MGAT4C: variants seen among roughly 807,000 people sequenced by gnomAD.
The protein encoded by MGAT4C is MGAT4 family member C, also known as alpha-1,3-mannosyl-glycoprotein 4-beta-N-acetylglucosaminyltransferase C.
A neutral mutation model predicts 40.1 loss-of-function variants in MGAT4C; 19 were observed. The ratio of observed to expected loss-of-function variants is 0.47; its 90% CI spans 0.33 to 0.70. The LOEUF is 0.70. Among genes scored for constraint, MGAT4C ranks in the 30% least tolerant of loss-of-function variants. The probability of loss-of-function intolerance (pLI) is 0.02; values close to 1 mark genes in which losing one functional copy is unlikely to be tolerated. For missense variants in MGAT4C, 491 were observed against 563.2 expected (o/e 0.87, Z 1.30); for synonymous variants, 181 against 187.1 (o/e 0.97, Z 0.27).
chr12:86,420,223 T>G (rs1956793801), intron 3 of MGAT4C, among the ~76,000 whole-genome samples: 1 of 151,810 alleles, frequency 6.6e-6, no homozygotes, highest in Admixed American at 6.6e-5. Flanking sequence ...CTAAGAACGA[T>G]TTTTAAAAAT....
At chr12:86,233,761 G>T (rs1362420060) in intron 1 of MGAT4C, among the ~76,000 whole-genome samples, 1 of 151,838 alleles carries the variant, frequency 6.6e-6, no homozygotes, top group African/African-American at 2.4e-5. Flanking sequence ...ACTATTTTTT[G>T]AGCTGAATTA....
intron 1 of MGAT4C, among the ~76,000 whole-genome samples, chr12:86,177,358 T>G (rs75553485): frequency 6.6e-6 from 1 of 152,308 alleles, no homozygotes; most frequent in Non-Finnish European, 1.5e-5. Context: ...TTCACTATCT[T>G]TAACCATAAG....
chr12:86,018,458 T>A (rs768343896), intron 2 of MGAT4C, among the ~76,000 whole-genome samples: 1 of 152,180 alleles, frequency 6.6e-6, no homozygotes, highest in African/African-American at 2.4e-5. Context: ...CTTGCTTTTT[T>A]AAATGCTTGT....
intron 2 of MGAT4C, among the ~76,000 whole-genome samples, chr12:86,497,918 G>GTATATATATATA (rs1565804882): frequency 1.4e-5 from 2 of 139,140 alleles, no homozygotes; most frequent in East Asian, 2.1e-4. Context: ...ATATATATAC[G>GTATATATATATA]CACACACACA....
intron 1 of MGAT4C, among the ~76,000 whole-genome samples, chr12:86,762,716 C>T (rs545515579): frequency 6.6e-6 from 1 of 152,186 alleles, no homozygotes; most frequent in Admixed American, 6.5e-5. Flanking sequence ...CATTTCAAAA[C>T]ATTTTGTCCT....
intron 2 of MGAT4C, among the ~76,000 whole-genome samples, chr12:86,606,056 G>T (rs573996789): frequency 1.8e-4 from 28 of 152,200 alleles, no homozygotes; most frequent in Middle Eastern, 3.4e-3. Flanking sequence ...AAGGAGAAGT[G>T]CTAAGTGAAG....
intron 2 of MGAT4C, among the ~76,000 whole-genome samples, chr12:86,593,887 T>C (rs944224559): frequency 1.1e-4 from 16 of 152,106 alleles, no homozygotes; most frequent in Admixed American, 7.2e-4. Flanking sequence ...CTCTGAACCA[T>C]ACCTCTGGTG....
At chr12:86,831,701 C>A (rs149059151) in intron 1 of MGAT4C, among the ~76,000 whole-genome samples, 1 of 151,734 alleles carries the variant, frequency 6.6e-6, no homozygotes, top group Non-Finnish European at 1.5e-5. Flanking sequence ...CAGGAGTCTA[C>A]TAAAGACTAA....
At chr12:86,052,411 A>G (rs1040249678) in intron 1 of MGAT4C, among the ~76,000 whole-genome samples, 3 of 151,988 alleles carry the variant, frequency 2.0e-5, no homozygotes, top group Non-Finnish European at 4.4e-5. Context: ...ATATATTTTG[A>G]ATACACATTC....
intron 1 of MGAT4C, among the ~76,000 whole-genome samples, chr12:86,120,404 C>T (rs529896501): frequency 4.9e-4 from 74 of 152,154 alleles, no homozygotes; most frequent in African/African-American, 1.5e-3. Flanking sequence ...GTTCTCCCAG[C>T]ACGCAGCTTG....
chr12:86,751,996 A>G (rs906274727), intron 1 of MGAT4C, among the ~76,000 whole-genome samples: 12 of 152,004 alleles, frequency 7.9e-5, no homozygotes, highest in African/African-American at 2.9e-4. Context: ...TGCTATTTAT[A>G]TTATTTTCAT....
At chr12:86,690,011 C>T (rs954857898) in intron 2 of MGAT4C, among the ~76,000 whole-genome samples, 4 of 152,170 alleles carry the variant, frequency 2.6e-5, no homozygotes, top group Non-Finnish European at 4.4e-5. Context: ...AGATGCCATG[C>T]CCAGAGAAGA....
chr12:86,684,216 T>G (rs1021704460), intron 2 of MGAT4C, among the ~76,000 whole-genome samples: 2 of 152,164 alleles, frequency 1.3e-5, no homozygotes, highest in African/African-American at 4.8e-5. Context: ...TGATGTGTGA[T>G]GTTCCCCTCC....
chr12:86,114,120 A>G (rs1244837635), intron 1 of MGAT4C, among the ~76,000 whole-genome samples: 1 of 151,836 alleles, frequency 6.6e-6, no homozygotes, highest in Non-Finnish European at 1.5e-5. Flanking sequence ...GCCTAATCAC[A>G]CATCTACTCT....
chr12:86,304,681 C>A (rs1333189906), intron 4 of MGAT4C, among the ~76,000 whole-genome samples: 1 of 150,548 alleles, frequency 6.6e-6, no homozygotes, highest in Admixed American at 6.6e-5. Context: ...AAAATAAGTT[C>A]TTTGTAGATT....
At chr12:86,697,147 T>G (rs570457675) in intron 2 of MGAT4C, among the ~76,000 whole-genome samples, 1 of 152,172 alleles carries the variant, frequency 6.6e-6, no homozygotes. Context: ...ACATAGGTGA[T>G]TGGTAATCCA....
In MGAT4C at chr12:86,829,192, T is replaced by C. The variant is rs1400003902; in HGVS notation, c.-262+9474A>G. 2.0e-5 allele frequency among the ~76,000 whole-genome samples: 3 copies of C among 151,570 alleles called. No homozygotes were observed. In the Admixed American group the frequency reaches 2.0e-4, roughly 10 times the overall value. ...ATACACAATAGTAGATTTAAAATAA[T>C]ATGAGAAATTGTTTTATACTGGCTG... On this transcript the variant is annotated intron_variant, in intron 1 of 7. Coordinates refer to the MGAT4C transcript ENST00000548651.
chr12:86,402,994 CA>C (rs1956398997), intron 3 of MGAT4C, among the ~76,000 whole-genome samples: 1 of 152,134 alleles, frequency 6.6e-6, no homozygotes, highest in Non-Finnish European at 1.5e-5. Context: ...TATTAACTAA[CA>C]TGTTTTATGA....
chr12:86,636,033 A>T (rs1005391287), intron 2 of MGAT4C, among the ~76,000 whole-genome samples: 57 of 152,090 alleles, frequency 3.7e-4, no homozygotes, highest in African/African-American at 1.3e-3. Context: ...CCATTGTGTT[A>T]CAATTGCCTA....
Sources: allele counts gnomAD v4.1 joint callset (sites outside exome capture counted in the v4.1 genomes callset), GRCh38; gene constraint gnomAD v4.1.1; transcripts MANE v1.5; gene names NCBI Gene and HGNC (gene_info 2026-07-23, HGNC 2026-07-21).